Variants in DIP2B observed in about 807,000 individuals in gnomAD.
DIP2B encodes DIP2 acetate--CoA ligase B (putative), also known as disco-interacting protein 2 homolog B.
DIP2B carries 76 observed loss-of-function variants against 198.0 expected under a neutral mutation model. The observed-to-expected ratio is 0.38, with a 90% CI of 0.32 to 0.46. The LOEUF (loss-of-function observed/expected upper bound fraction) is 0.46, where lower values mean the gene tolerates loss of function less well. Among genes scored for constraint, DIP2B ranks in the 20% least tolerant of loss-of-function variants. DIP2B has a pLI of 0.99. For missense variants in DIP2B, 1,559 were observed against 1,978.4 expected (o/e 0.79, Z 4.02); for synonymous variants, 701 against 739.1 (o/e 0.95, Z 0.84).
At chr12:50,675,186 G>A in intron 6 of DIP2B, 143 bp from the exon 7 acceptor site, 1 of 883,086 alleles carries the variant, frequency 1.1e-6, no homozygotes, top group South Asian at 2.1e-5. Context: ...AAAACTTGTT[G>A]TGTACATATT....
chr12:50,653,328 C>CTTTTTTTTTTTTTTTTTTTTT (rs71086465), intron 3 of DIP2B, among the ~76,000 whole-genome samples: 1 of 116,280 alleles, frequency 8.6e-6, no homozygotes, highest in Non-Finnish European at 1.7e-5. Flanking sequence ...GTCTTTCTTT[C>CTTTTTTTTTTTTTTTTTTTTT]TTTTTTTTTT....
chr12:50,540,697 C>T (rs112739287), intron 1 of DIP2B, among the ~76,000 whole-genome samples: 26 of 151,882 alleles, frequency 1.7e-4, no homozygotes, highest in South Asian at 1.0e-3. Context: ...TACAGGTGCC[C>T]GCCACGGCGC....
chr12:50,515,774 T>A (rs1958058500), intron 1 of DIP2B, among the ~76,000 whole-genome samples: 1 of 152,198 alleles, frequency 6.6e-6, no homozygotes, highest in Non-Finnish European at 1.5e-5. Context: ...CTAGTCTGTA[T>A]CTGTAGCCCT....
chr12:50,588,141 T>TTCTTTCTTTTTC (rs1555185873), intron 1 of DIP2B, among the ~76,000 whole-genome samples: 13 of 151,806 alleles, frequency 8.6e-5, no homozygotes, highest in African/African-American at 3.1e-4. Context: ...CTTTTCTTTT[T>TTCTTTCTTTTTC]TTTTTCTTTT....
At chr12:50,517,914 C>G (rs919784603) in intron 1 of DIP2B, among the ~76,000 whole-genome samples, 2 of 152,110 alleles carry the variant, frequency 1.3e-5, no homozygotes, top group African/African-American at 4.8e-5. Flanking sequence ...TTTCTAAGCT[C>G]TTTTAAGAAG....
Position 50,552,984 on chromosome 12 carries a change from C to T in DIP2B, c.100+47744C>T, listed in dbSNP as rs558588901. ...CCGAGTAGCTGGGACTACAGGTGTG[C>T]GCCACCATGCCCGGCTAATTTTTGC... On this transcript the variant is annotated intron_variant, in intron 1 of 37. Coordinates refer to ENST00000301180, the MANE Select transcript of DIP2B (RefSeq NM_173602.3). Among the ~76,000 whole-genome samples, 898 of 152,064 alleles carry T rather than the reference C, an allele frequency of 5.9e-3. 7 individuals carry two copies. Among genetic ancestry groups the T allele is most frequent in the Non-Finnish European group, 0.01 (707 of 67,986 alleles).
At chr12:50,575,174 A>G (rs1411899355) in intron 1 of DIP2B, among the ~76,000 whole-genome samples, 1 of 150,582 alleles carries the variant, frequency 6.6e-6, no homozygotes, top group African/African-American at 2.4e-5. Flanking sequence ...TCTGTCTCCA[A>G]CCCTGACCTC....
intron 3 of DIP2B, among the ~76,000 whole-genome samples, chr12:50,646,634 C>G (rs1938356060): frequency 6.6e-6 from 1 of 152,142 alleles, no homozygotes; most frequent in African/African-American, 2.4e-5. Flanking sequence ...GTTGGCCAGG[C>G]TGGCCTCAAA....
chr12:50,671,230 G>C lies in DIP2B; in HGVS notation c.472G>C (p.Ala158Pro), dbSNP rs1938847484. The part of the protein sequence containing the change: ...SEDEGSLRRQ[A>P]ALSAALQQSL... ...GGATGAGGGCTCTCTGAGACGCCAA[G>C]CTGCGCTCTCTGCTGCCTTGCAACA... Residue 158 changes from alanine to proline, a missense_variant, in exon 5 of 38, where the codon GCT becomes CCT. Physicochemically the swap from Ala to Pro is conservative, Grantham distance 27 (BLOSUM62 -1). Transcript: ENST00000301180. The C allele has an allele frequency of 6.2e-7, 1 of 1,614,186 alleles. No individual in the cohort carries two copies. The highest frequency in any genetic ancestry group is 2.2e-5 in the East Asian group (1 of 44,888).
At chr12:50,608,087 C>T (rs1474033154) in intron 1 of DIP2B, among the ~76,000 whole-genome samples, 6 of 152,112 alleles carry the variant, frequency 3.9e-5, no homozygotes, top group African/African-American at 7.2e-5. Context: ...GCCACTGCAC[C>T]GGGCCACAAT....
At chr12:50,731,018 A>G (rs189042852) in intron 30 of DIP2B, among the ~76,000 whole-genome samples, 31 of 152,324 alleles carry the variant, frequency 2.0e-4, no homozygotes, top group Admixed American at 1.8e-3. Context: ...GTCCACACAT[A>G]AGGTTTCTGA....
chr12:50,586,217 A>G (rs781200957), intron 1 of DIP2B, among the ~76,000 whole-genome samples: 24 of 152,236 alleles, frequency 1.6e-4, no homozygotes, highest in Non-Finnish European at 2.8e-4. Flanking sequence ...AAAAATTACA[A>G]AGGAGGTGAG....
chr12:50,658,199 T>G (rs192350491), intron 3 of DIP2B, among the ~76,000 whole-genome samples: 9 of 151,796 alleles, frequency 5.9e-5, no homozygotes, highest in Admixed American at 4.6e-4. Flanking sequence ...TACAATGGTG[T>G]GATCTCGGCT....
chr12:50,732,639 G>C, intron 32 of DIP2B, 103 bp downstream of exon 32: 3 of 1,399,938 alleles, frequency 2.1e-6, no homozygotes, highest in Non-Finnish European at 2.9e-6. Flanking sequence ...GGCCCCAGCC[G>C]CACTTACTTG....
chr12:50,584,271 T>C (rs1373678417), intron 1 of DIP2B, among the ~76,000 whole-genome samples: 2 of 152,254 alleles, frequency 1.3e-5, no homozygotes, highest in East Asian at 1.9e-4. Flanking sequence ...CCTAGTCCTT[T>C]TTCATTTTAG....
chr12:50,736,573 G>A (rs1170272553), intron 34 of DIP2B, among the ~76,000 whole-genome samples: 1 of 152,130 alleles, frequency 6.6e-6, no homozygotes, highest in Non-Finnish European at 1.5e-5. Context: ...GCTGTCCTCT[G>A]TCACTCTTCA....
intron 1 of DIP2B, among the ~76,000 whole-genome samples, chr12:50,593,490 C>T (rs116519318): frequency 0.063 from 9,536 of 150,346 alleles, 703 homozygotes; most frequent in East Asian, 0.36. Flanking sequence ...GCCAACAAAA[C>T]GAGACTCTGT....
At chr12:50,614,255 C>A (rs1294023554) in intron 1 of DIP2B, among the ~76,000 whole-genome samples, 6 of 152,022 alleles carry the variant, frequency 3.9e-5, no homozygotes, top group Non-Finnish European at 8.8e-5. Flanking sequence ...TGACAGTGTG[C>A]ACTCATCTTC....
intron 1 of DIP2B, among the ~76,000 whole-genome samples, chr12:50,520,198 C>T (rs1958104496): frequency 6.6e-6 from 1 of 151,990 alleles, no homozygotes; most frequent in South Asian, 2.1e-4. Flanking sequence ...CCACCATGCT[C>T]AGCTAATTTT....
Sources: allele counts gnomAD v4.1 joint callset (sites outside exome capture counted in the v4.1 genomes callset), GRCh38; gene constraint gnomAD v4.1.1; transcripts MANE v1.5; gene names NCBI Gene and HGNC (gene_info 2026-07-23, HGNC 2026-07-21).